The following LMBR1 variants were observed in gnomAD, a reference collection of about 807,000 sequenced individuals.
LMBR1 encodes the protein limb development membrane protein 1, also known as limb region 1 protein homolog.
In LMBR1, 52 loss-of-function variants were observed where a neutral mutation model predicts 73.9. The observed-to-expected ratio is 0.70, with a 90% CI of 0.56 to 0.89. The LOEUF is 0.89. Ranked by LOEUF, LMBR1 falls within the 40% of genes least tolerant of loss-of-function variation. LMBR1 has a pLI of 0.00. For missense variants in LMBR1, 539 were observed against 579.8 expected (o/e 0.93, Z 0.72); for synonymous variants, 215 against 209.4 (o/e 1.03, Z -0.23).
At chr7:156,714,946 ACT>A (rs1491587589) in intron 15 of LMBR1, among the ~76,000 whole-genome samples, 6 of 150,326 alleles carry the variant, frequency 4.0e-5, no homozygotes, top group Non-Finnish European at 4.4e-5. Flanking sequence ...ATAAAAAAAT[ACT>A]TTTTTCTTTT....
At chr7:156,722,085 G>A (rs1814713421) in intron 15 of LMBR1, among the ~76,000 whole-genome samples, 1 of 151,814 alleles carries the variant, frequency 6.6e-6, no homozygotes, top group African/African-American at 2.4e-5. Context: ...TAAAAAAACT[G>A]TTGAAATAAT....
downstream of LMBR1, among the ~76,000 whole-genome samples, chr7:156,674,132 C>T (rs570581513): frequency 1.8e-4 from 28 of 152,276 alleles, no homozygotes; most frequent in African/African-American, 6.5e-4. Flanking sequence ...GACAAATAAC[C>T]CCCCGAATTT....
At chr7:156,745,100 G>A (rs1819597935) in intron 9 of LMBR1, among the ~76,000 whole-genome samples, 1 of 152,174 alleles carries the variant, frequency 6.6e-6, no homozygotes, top group Admixed American at 6.5e-5. Flanking sequence ...AAGGTCTGGG[G>A]ATTAGGACTT....
chr7:156,862,804 C>A (rs1003351101), intron 1 of LMBR1, among the ~76,000 whole-genome samples: 9 of 152,196 alleles, frequency 5.9e-5, no homozygotes, highest in Admixed American at 4.6e-4. Context: ...TAGGGAATTT[C>A]TTCTGTCTGA....
intron 15 of LMBR1, among the ~76,000 whole-genome samples, chr7:156,688,636 C>A (rs1225896846): frequency 1.3e-5 from 2 of 152,170 alleles, no homozygotes; most frequent in Non-Finnish European, 2.9e-5. Flanking sequence ...TCTGGAGGAA[C>A]TGCCCGTCCC....
At chr7:156,702,210 A>T (rs1809902277) in intron 15 of LMBR1, among the ~76,000 whole-genome samples, 1 of 152,232 alleles carries the variant, frequency 6.6e-6, no homozygotes, top group Non-Finnish European at 1.5e-5. Flanking sequence ...ACTGTCTTCC[A>T]CAATGGCTGA....
intron 15 of LMBR1, among the ~76,000 whole-genome samples, chr7:156,718,295 G>A (rs900938198): frequency 2.0e-5 from 3 of 151,882 alleles, no homozygotes; most frequent in East Asian, 1.9e-4. Context: ...AGGTACTTGC[G>A]AGGCTGAGGC....
chr7:156,855,852 A>G (rs1218340812), intron 1 of LMBR1, among the ~76,000 whole-genome samples: 6 of 152,186 alleles, frequency 3.9e-5, no homozygotes, highest in African/African-American at 2.4e-5. Context: ...AGAAAGCTGT[A>G]AAATATTTCA....
At chr7:156,884,312 T>A (rs914254177) in intron 1 of LMBR1, among the ~76,000 whole-genome samples, 15 of 151,738 alleles carry the variant, frequency 9.9e-5, no homozygotes, top group African/African-American at 3.4e-4. Context: ...ATCAACAATT[T>A]CAGAGAACAT....
At chr7:156,826,393 A>C (rs1375843214) in intron 4 of LMBR1, among the ~76,000 whole-genome samples, 1 of 152,230 alleles carries the variant, frequency 6.6e-6, no homozygotes, top group East Asian at 1.9e-4. Context: ...AAGTATAAAC[A>C]CTGCTTCTTA....
chr7:156,740,612 A>G (rs1417117264), intron 9 of LMBR1, among the ~76,000 whole-genome samples: 1 of 152,216 alleles, frequency 6.6e-6, no homozygotes, highest in African/African-American at 2.4e-5. Flanking sequence ...GTGCTGAGGG[A>G]AAAACACTTA....
chr7:156,724,761 T>C (rs921365482), intron 14 of LMBR1, among the ~76,000 whole-genome samples: 57 of 117,598 alleles, frequency 4.8e-4, no homozygotes, highest in Admixed American at 4.0e-3. Context: ...TTTAAAGAAA[T>C]AGCTGTGTGT....
At chr7:156,836,786 G>A (rs755681442) in intron 2 of LMBR1, 27 bp downstream of exon 2, 7 of 1,452,074 alleles carry the variant, frequency 4.8e-6, no homozygotes, top group African/African-American at 2.8e-5. Context: ...TTCTAACAAA[G>A]GTTTTAATTG....
intron 8 of LMBR1, among the ~76,000 whole-genome samples, chr7:156,758,042 G>A (rs1342788679): frequency 6.6e-6 from 1 of 152,200 alleles, no homozygotes; most frequent in African/African-American, 2.4e-5. Context: ...AAGAAAAGGG[G>A]AAGAGATACC....
intron 1 of LMBR1, among the ~76,000 whole-genome samples, chr7:156,859,893 G>A (rs999925331): frequency 5.3e-5 from 8 of 152,318 alleles, no homozygotes; most frequent in African/African-American, 1.9e-4. Context: ...GACTTCAGGA[G>A]ACTTATAGGC....
intron 1 of LMBR1, 57 bp from the exon 2 acceptor site, chr7:156,836,942 C>A: frequency 9.4e-7 from 1 of 1,058,380 alleles, no homozygotes; most frequent in Non-Finnish European, 1.4e-6. Flanking sequence ...TTTTTAAATA[C>A]TAGAAGATAT....
Position 156,762,846 on chromosome 7 carries a change from A to AGTGTGTGTGTGTGTGTGT in LMBR1, c.619+244_619+261dup, listed in dbSNP as rs35976164. On this transcript the variant is annotated intron_variant, in intron 7 of 16. Transcript: ENST00000353442. ...GAGTGTGTGAAAGTGTGTGAGTGTG[A>AGTGTGTGTGTGTGTGTGT]GTGTGTGTGTGTGTGTGTGTGTGTG... Among the ~76,000 whole-genome samples, 279 of 148,620 alleles carry AGTGTGTGTGTGTGTGTGT rather than the reference A, an allele frequency of 1.9e-3. 2 individuals carry two copies. Among genetic ancestry groups the AGTGTGTGTGTGTGTGTGT allele is most frequent in the Middle Eastern group, 3.6e-3 (1 of 274 alleles).
intron 15 of LMBR1, among the ~76,000 whole-genome samples, chr7:156,691,296 A>C (rs1371730537): frequency 6.6e-6 from 1 of 152,198 alleles, no homozygotes; most frequent in Non-Finnish European, 1.5e-5. Flanking sequence ...GTTAAGCATA[A>C]GGTTCACATT....
chr7:156,676,388 G>C (rs200884632), downstream of LMBR1: 1 of 1,613,884 alleles, frequency 6.2e-7, no homozygotes, highest in South Asian at 1.1e-5. Flanking sequence ...AAACTAACCC[G>C]CGTGGCCTCT....
Sources: allele counts gnomAD v4.1 joint callset (sites outside exome capture counted in the v4.1 genomes callset), GRCh38; gene constraint gnomAD v4.1.1; transcripts MANE v1.5; gene names NCBI Gene and HGNC (gene_info 2026-07-23, HGNC 2026-07-21).